The following DNAH3 variants were observed in gnomAD, a reference collection of about 807,000 sequenced individuals.
DNAH3 encodes the protein dynein axonemal heavy chain 3, also known as axonemal beta dynein heavy chain 3.
Under a neutral mutation model 432.5 loss-of-function variants are expected in DNAH3, and 332 were observed. The ratio of observed to expected loss-of-function variants is 0.77; its 90% confidence interval spans 0.70 to 0.84. The LOEUF (loss-of-function observed/expected upper bound fraction) is 0.84, where lower values mean the gene tolerates loss of function less well. DNAH3 is among the 40% of genes least tolerant of loss of function. The pLI, the probability that DNAH3 is intolerant of heterozygous loss-of-function variation, is 0.00. For synonymous variants in DNAH3, 1,956 were observed against 1,900.2 expected (o/e 1.03, Z -0.76); for missense variants, 4,861 against 5,114.0 (o/e 0.95, Z 1.51).
intron 14 of DNAH3, among the ~76,000 whole-genome samples, chr16:21,107,862 GTT>G (rs963425848): frequency 6.8e-6 from 1 of 147,012 alleles, no homozygotes; most frequent in South Asian, 2.2e-4. Context: ...ATCGTGACAT[GTT>G]TTTTTTTTTC....
intron 18 of DNAH3, among the ~76,000 whole-genome samples, chr16:21,092,745 T>C (rs568883802): frequency 4.2e-4 from 49 of 116,650 alleles, no homozygotes; most frequent in Middle Eastern, 5.9e-3. Context: ...ATGACTATTA[T>C]CTAAATATAC....
chr16:20,973,803 G>A (rs1029643093), intron 51 of DNAH3, among the ~76,000 whole-genome samples: 1 of 152,056 alleles, frequency 6.6e-6, no homozygotes, highest in Non-Finnish European at 1.5e-5. Flanking sequence ...CCTACAACAC[G>A]CCAGGCATAA....
chr16:20,938,669 C>CAAA (rs901953556), intron 59 of DNAH3, among the ~76,000 whole-genome samples: 21 of 81,906 alleles, frequency 2.6e-4, no homozygotes, highest in African/African-American at 5.6e-4. Context: ...GGTGAAAAGG[C>CAAA]AAAAAAAAAA....
chr16:21,087,314 G>A (rs2091410534), intron 18 of DNAH3, among the ~76,000 whole-genome samples: 1 of 152,220 alleles, frequency 6.6e-6, no homozygotes, highest in Non-Finnish European at 1.5e-5. Context: ...GAAATTCAGT[G>A]AGATAATATA....
chr16:21,145,817 T>C (rs1188594815), intron 2 of DNAH3, among the ~76,000 whole-genome samples, 167 bp downstream of exon 3: 1 of 152,192 alleles, frequency 6.6e-6, no homozygotes, highest in African/African-American at 2.4e-5. Flanking sequence ...TCTCCCACAC[T>C]TCTGCAGCCT....
rs868574555 is a variant in DNAH3 at position 21,106,571 on chromosome 16, C to A, written c.2203G>T (p.Val735Phe). 16 of 1,612,416 alleles carry A rather than the reference C, an allele frequency of 9.9e-6. 1 individual carries two copies. In the Middle Eastern group the frequency reaches 2.5e-3, roughly 250 times the overall value. The change falls in exon 15 of 62, where the codon GTC becomes TTC. Residue 735 changes from valine to phenylalanine, a missense_variant. Transcript: ENST00000261383. Reference sequence around the variant, plus strand: ...TGCCTCCTGAGTTTGAACACAGTGACAGCACTGGATTTCTTTAGGAATTCA... The same window carrying A: ...TGCCTCCTGAGTTTGAACACAGTGAAAGCACTGGATTTCTTTAGGAATTCA...
At chr16:21,111,796 A>T (rs759062164) in exon 14 of DNAH3, 3 of 1,613,158 alleles carry the variant, frequency 1.9e-6, no homozygotes, top group Non-Finnish European at 2.5e-6. Flanking sequence ...TCTTTATGGC[A>T]TTGATCTTCT....
intron 21 of DNAH3, among the ~76,000 whole-genome samples, chr16:21,075,016 C>T (rs530101764): frequency 2.6e-5 from 4 of 152,292 alleles, no homozygotes; most frequent in Admixed American, 6.5e-5. Context: ...TCCTAGATTC[C>T]ATCCCAGACC....
chr16:20,948,447 G>A (rs752848795), intron 57 of DNAH3, 36 bp downstream of exon 57: 3 of 1,601,706 alleles, frequency 1.9e-6, no homozygotes, highest in East Asian at 4.5e-5. Context: ...GGAGCCCTGT[G>A]GGGGAAAGAG....
intron 1 of DNAH3, chr16:21,159,262 A>G: frequency 2.9e-6 from 4 of 1,377,874 alleles, no homozygotes; most frequent in Non-Finnish European, 3.1e-6. Flanking sequence ...TAAGTACTCG[A>G]CTCCCCTCTG....
rs190680446 is a variant in DNAH3 at position 21,153,129 on chromosome 16, C to T, written c.117+6196G>A. On this transcript the variant is annotated intron_variant, in intron 1 of 61. Transcript: ENST00000261383. ...GATTGTAAATACACCAATCAGCACC[C>T]TGAGTCTAACTCAGGGTTTGTGAAT... Among the ~76,000 whole-genome samples the T allele has an allele frequency of 3.7e-4, 56 of 152,324 alleles. 1 individual carries two copies. The East Asian group carries it at 8.7e-3, about 24-fold the overall frequency.
Position 21,031,302 on chromosome 16 carries a change from C to A in DNAH3, c.5198-16G>T. ...ATCTGATTGGCTGGGCAAGAAGGTT[C>A]AACACCAGTTATAAAGGCTCTGGTG... On this transcript the variant is annotated splice_polypyrimidine_tract_variant and intron_variant, in intron 36 of 61. Transcript: ENST00000261383. The A allele has an allele frequency of 6.2e-7, 1 of 1,613,956 alleles. No individual in the cohort carries two copies. The highest frequency in any genetic ancestry group is 1.1e-5 in the South Asian group (1 of 91,054).
exon 13 of DNAH3, chr16:21,112,009 A>G: frequency 6.2e-7 from 1 of 1,613,114 alleles, no homozygotes; most frequent in African/African-American, 1.3e-5. Flanking sequence ...AAAATCATCA[A>G]TGTCATGATT....
chr16:20,980,224 ATTT>A (rs1414134569), intron 49 of DNAH3, among the ~76,000 whole-genome samples: 13 of 94,992 alleles, frequency 1.4e-4, no homozygotes, highest in African/African-American at 6.0e-4. Context: ...TATTTATATT[ATTT>A]ATTTATATTA....
intron 41 of DNAH3, among the ~76,000 whole-genome samples, chr16:21,003,833 G>T (rs2152693576): frequency 6.6e-6 from 1 of 151,996 alleles, no homozygotes; most frequent in East Asian, 1.9e-4. Context: ...AAGACAATAA[G>T]TTAGTCAAAA....
chr16:21,106,246 G>C (rs1000143767), intron 15 of DNAH3, among the ~76,000 whole-genome samples: 5 of 147,940 alleles, frequency 3.4e-5, no homozygotes, highest in African/African-American at 1.2e-4. Context: ...TGTCTAACAA[G>C]ATTCCTTTTG....
chr16:21,102,166 C>G (rs1180157261), intron 16 of DNAH3, among the ~76,000 whole-genome samples: 2 of 152,162 alleles, frequency 1.3e-5, no homozygotes, highest in Middle Eastern at 3.2e-3. Context: ...TGCTGAGCCT[C>G]TTCTAGAGCC....
chr16:21,149,911 A>C (rs1245752701), intron 1 of DNAH3, among the ~76,000 whole-genome samples: 1 of 152,192 alleles, frequency 6.6e-6, no homozygotes. Context: ...CTCTTCCCAC[A>C]TATTCCCAAC....
chr16:21,072,240 A>ATTTATTT (rs530505999), intron 21 of DNAH3, among the ~76,000 whole-genome samples: 2,565 of 151,530 alleles, frequency 0.017, 68 homozygotes, highest in African/African-American at 0.051. Context: ...TTAATTAATT[A>ATTTATTT]ATTTTAATTT....
Sources: gnomAD v4.1 joint callset for allele counts (sites outside exome capture counted in the v4.1 genomes callset) on GRCh38, gnomAD v4.1.1 for gene constraint, MANE v1.5 for transcripts, NCBI Gene and HGNC (gene_info 2026-07-23, HGNC 2026-07-21) for gene names.